Variants in MRE11 observed in about 807,000 individuals in gnomAD.
The protein encoded by MRE11 is MRE11 double strand break repair nuclease, also known as double-strand break repair protein MRE11.
In MRE11, 62 loss-of-function variants were observed where a neutral mutation model predicts 91.7. The observed-to-expected ratio is 0.68, with a 90% CI of 0.55 to 0.84. MRE11 has a LOEUF of 0.84. MRE11 is among the 40% of genes least tolerant of loss of function. MRE11 has a pLI of 0.00. For synonymous variants in MRE11, 273 were observed against 271.4 expected (o/e 1.01, Z -0.06); for missense variants, 796 against 852.9 (o/e 0.93, Z 0.83).
At position 94,418,895 on chromosome 11, in the gene MRE11, CTT is replaced by C. The variant is rs1254492118; in HGVS notation, c.*1228_*1229del. The C allele has an allele frequency of 8.7e-6, 2 of 230,808 alleles. No homozygotes were observed. Among genetic ancestry groups the C allele is most frequent in the Non-Finnish European group, 1.7e-5 (2 of 116,692 alleles). 14.3% of individuals were successfully genotyped at this position (230,808 alleles called of 1,614,324 possible). ...GCAGCCACTAACCAAGTGTCTGTCT[CTT>C]ATAATTTGACACATTCCAGGTATGA... On this transcript the variant is annotated 3_prime_UTR_variant, in exon 20 of 20. Coordinates refer to ENST00000323929, the MANE Select transcript of MRE11 (RefSeq NM_005591.4).
chr11:94,507,790 T>G, the MRE11 span, among the ~76,000 whole-genome samples: 755 of 152,334 alleles, frequency 5.0e-3, 6 homozygotes, highest in African/African-American at 0.017. Context: ...ATCTTCTCTT[T>G]CATGAAGTGC....
the MRE11 span, among the ~76,000 whole-genome samples, chr11:94,501,559 T>G: frequency 6.6e-6 from 1 of 152,070 alleles, no homozygotes; most frequent in Non-Finnish European, 1.5e-5. Flanking sequence ...AAATACAGGG[T>G]GTATTTTACA....
intron 10 of MRE11, among the ~76,000 whole-genome samples, chr11:94,465,053 C>T (rs1041307764): frequency 3.3e-5 from 5 of 152,272 alleles, no homozygotes; most frequent in Non-Finnish European, 7.4e-5. Context: ...GTAAGCTCGA[C>T]GAATTCAAAA....
At position 94,460,916 on chromosome 11, in the gene MRE11, T is replaced by C; in HGVS notation, c.1326+20A>G. 6.3e-7 allele frequency: 1 copy of C among 1,585,870 alleles called. No homozygotes were observed. The highest frequency in any genetic ancestry group is 2.2e-5 in the East Asian group (1 of 44,640). On this transcript the variant is annotated intron_variant, in intron 12 of 19. Transcript: ENST00000323929. ...ACTATAAGGTAGCCATTATTCAAAA[T>C]GTGAACTGTAAGAAATTACCTTCTC...
intron 14 of MRE11, among the ~76,000 whole-genome samples, chr11:94,454,821 C>T (rs965141532): frequency 3.3e-5 from 5 of 151,908 alleles, no homozygotes; most frequent in African/African-American, 1.2e-4. Context: ...ATTTCTGTAC[C>T]CTGTTAAATT....
rs547759703 is a variant in MRE11 at position 94,480,569 on chromosome 11, C to T, written c.315-808G>A. ...TCTTCTACAGCGAGTAATCTTGTTG[C>T]CCTGGTGAGTCGACCTGTAAAGGAA... On this transcript the variant is annotated intron_variant, in intron 4 of 19. Coordinates refer to ENST00000323929, the MANE Select transcript of MRE11 (RefSeq NM_005591.4). Among the ~76,000 whole-genome samples, 5 of 152,270 alleles carry T rather than the reference C, an allele frequency of 3.3e-5. No individual in the cohort carries two copies. The South Asian group carries it at 6.2e-4, about 19-fold the overall frequency.
intron 4 of MRE11, among the ~76,000 whole-genome samples, chr11:94,481,716 C>A (rs1396750111): frequency 2.0e-5 from 3 of 152,184 alleles, no homozygotes; most frequent in African/African-American, 7.2e-5. Flanking sequence ...GTATTTGAGG[C>A]TATTTCTAGA....
At chr11:94,424,102 G>A (rs892804616) in intron 19 of MRE11, among the ~76,000 whole-genome samples, 3 of 152,136 alleles carry the variant, frequency 2.0e-5, no homozygotes, top group Non-Finnish European at 2.9e-5. Flanking sequence ...CTTATGAGTG[G>A]TCATCTCTCT....
In MRE11 at chr11:94,419,720, A is replaced by C. The variant is rs1945119312; in HGVS notation, c.*405T>G. 1 of 242,276 alleles carries C rather than the reference A, an allele frequency of 4.1e-6. No homozygotes were observed. 15.0% of individuals were successfully genotyped at this position (242,276 alleles called of 1,614,324 possible). Reference sequence around the variant, plus strand: ...ATACATAGTAACAAACAGTGAATTTAGACATAGGTTCGCATAAATTGTTTT... The same window carrying C: ...ATACATAGTAACAAACAGTGAATTTCGACATAGGTTCGCATAAATTGTTTT... On this transcript the variant is annotated 3_prime_UTR_variant, in exon 20 of 20. Transcript: ENST00000323929.
chr11:94,467,958 G>T, intron 9 of MRE11, 65 bp from the exon 10 acceptor site: 2 of 1,250,148 alleles, frequency 1.6e-6, no homozygotes, highest in Non-Finnish European at 2.3e-6. Context: ...CTGAATAGCA[G>T]CTTATTACCA....
chr11:94,492,151 C>T (rs1260755225), intron 2 of MRE11, among the ~76,000 whole-genome samples: 1 of 151,708 alleles, frequency 6.6e-6, no homozygotes, highest in South Asian at 2.1e-4. Context: ...TTTTTTTTTA[C>T]GATCTCGGCT....
At chr11:94,450,476 T>C (rs1946070562) in intron 14 of MRE11, among the ~76,000 whole-genome samples, 2 of 152,170 alleles carry the variant, frequency 1.3e-5, no homozygotes, top group Non-Finnish European at 2.9e-5. Flanking sequence ...CATGAAACTT[T>C]TTAGCTGATA....
intron 12 of MRE11, among the ~76,000 whole-genome samples, chr11:94,460,251 C>T (rs552025168): frequency 6.6e-6 from 1 of 152,284 alleles, no homozygotes; most frequent in South Asian, 2.1e-4. Flanking sequence ...CTGACCTACA[C>T]GACTGTAAGA....
intron 10 of MRE11, among the ~76,000 whole-genome samples, chr11:94,464,954 A>G (rs1480926475): frequency 2.0e-5 from 3 of 151,752 alleles, no homozygotes; most frequent in African/African-American, 4.8e-5. Flanking sequence ...AAGTGCTCCC[A>G]CTTTCACTCA....
chr11:94,491,066 G>A (rs1358251847), intron 2 of MRE11, 101 bp from the exon 3 acceptor site: 12 of 780,564 alleles, frequency 1.5e-5, no homozygotes, highest in Non-Finnish European at 2.4e-5. Context: ...AACAGTTATA[G>A]AGTAAAATCA....
intron 19 of MRE11, among the ~76,000 whole-genome samples, chr11:94,424,958 C>T (rs749214788): frequency 2.0e-5 from 3 of 152,122 alleles, no homozygotes; most frequent in Non-Finnish European, 4.4e-5. Context: ...TTTCTCCAAT[C>T]GTGCTAGAAA....
chr11:94,450,015 C>T (rs1038846352), intron 14 of MRE11, among the ~76,000 whole-genome samples: 2 of 152,128 alleles, frequency 1.3e-5, no homozygotes, highest in African/African-American at 4.8e-5. Flanking sequence ...ATGACCCCCT[C>T]AACATGTTTA....
chr11:94,434,218 A>T (rs540815209), intron 18 of MRE11, among the ~76,000 whole-genome samples: 181 of 152,280 alleles, frequency 1.2e-3, no homozygotes, highest in African/African-American at 1.4e-3. Flanking sequence ...ACCTAGCATG[A>T]TGTTTGAAGG....
In MRE11 at chr11:94,456,043, T is replaced by C. The variant is rs13447688; in HGVS notation, c.1563+233A>G. 6.4e-3 allele frequency among the ~76,000 whole-genome samples: 980 copies of C among 152,142 alleles called. 15 individuals carry two copies. Among genetic ancestry groups the C allele is most frequent in the African/African-American group, 0.023 (935 of 41,478 alleles). ...TCTCAAGTAGCCAAGACTACAGGTG[T>C]GAGTCACTGCACTTGCTAAACAGGT... is the stretch of plus-strand genomic sequence containing the variant. On this transcript the variant is annotated intron_variant, in intron 14 of 19. Transcript: ENST00000323929.
Sources: allele counts gnomAD v4.1 joint callset (sites outside exome capture counted in the v4.1 genomes callset), GRCh38; gene constraint gnomAD v4.1.1; transcripts MANE v1.5; gene names NCBI Gene and HGNC (gene_info 2026-07-23, HGNC 2026-07-21).